Variants in ST8SIA2 observed in about 807,000 individuals in gnomAD.
ST8SIA2 encodes the protein ST8 alpha-N-acetyl-neuraminide alpha-2,8-sialyltransferase 2, also known as alpha-2,8-sialyltransferase 8B.
Under a neutral mutation model 37.6 loss-of-function variants are expected in ST8SIA2, and 22 were observed. The observed-to-expected ratio is 0.58, with a 90% CI of 0.42 to 0.83. The LOEUF (loss-of-function observed/expected upper bound fraction) is 0.83. Among genes scored for constraint, ST8SIA2 ranks in the 40% least tolerant of loss-of-function variants. The pLI is 0.00. For missense variants in ST8SIA2, 382 were observed against 484.7 expected (o/e 0.79, Z 1.99); for synonymous variants, 205 against 201.2 (o/e 1.02, Z -0.16).
chr15:92,407,005 A>G (rs1302118998), intron 1 of ST8SIA2, among the ~76,000 whole-genome samples: 12 of 147,772 alleles, frequency 8.1e-5, no homozygotes, highest in Admixed American at 7.3e-4. Context: ...AAAAAAAAAA[A>G]AAAGAAAAGA....
rs146652687 is a variant in ST8SIA2 at position 92,402,767 on chromosome 15, C to G, written c.98+8605C>G. On this transcript the variant is annotated intron_variant, in intron 1 of 5. Coordinates refer to ENST00000268164, the MANE Select transcript of ST8SIA2 (RefSeq NM_006011.4). ...CTCTGCCTCTGCCTCCCCACATTTC[C>G]TCTCCTCTCACACCAGCTTCCCCGC... is the stretch of plus-strand genomic sequence containing the variant. Among the ~76,000 whole-genome samples the G allele has an allele frequency of 2.6e-5, 4 of 152,276 alleles. No homozygotes were observed. The East Asian group carries it at 7.7e-4, about 29-fold the overall frequency.
intron 5 of ST8SIA2, among the ~76,000 whole-genome samples, chr15:92,447,855 T>A (rs1423036345): frequency 6.6e-6 from 1 of 152,192 alleles, no homozygotes; most frequent in Non-Finnish European, 1.5e-5. Flanking sequence ...TTTCACTTCA[T>A]CCCTGTCAGA....
At chr15:92,437,028 A>G (rs1174197260) in intron 3 of ST8SIA2, among the ~76,000 whole-genome samples, 1 of 152,224 alleles carries the variant, frequency 6.6e-6, no homozygotes, top group East Asian at 1.9e-4. Context: ...GGAACGTACC[A>G]TAGGTTGTGA....
At chr15:92,452,421 C>T (rs1596248639) in intron 5 of ST8SIA2, among the ~76,000 whole-genome samples, 1 of 152,246 alleles carries the variant, frequency 6.6e-6, no homozygotes, top group African/African-American at 2.4e-5. Context: ...GGTCAGACCA[C>T]TGAGCAGCTG....
chr15:92,414,488 G>A (rs954382123), intron 1 of ST8SIA2, among the ~76,000 whole-genome samples: 27 of 152,328 alleles, frequency 1.8e-4, no homozygotes, highest in Admixed American at 6.5e-4. Context: ...GTCAGACAGA[G>A]GTGTATTCAA....
chr15:92,416,049 G>C (rs913959455), intron 1 of ST8SIA2, among the ~76,000 whole-genome samples: 2 of 152,114 alleles, frequency 1.3e-5, no homozygotes, highest in African/African-American at 4.8e-5. Context: ...GGAGAGAGAG[G>C]CATGTGGCAC....
At chr15:92,425,564 C>T (rs532552801) in intron 1 of ST8SIA2, among the ~76,000 whole-genome samples, 13 of 152,252 alleles carry the variant, frequency 8.5e-5, no homozygotes, top group South Asian at 2.1e-4. Context: ...ATGACTGCCA[C>T]GAAGAAGATA....
At chr15:92,414,709 G>T (rs780237764) in intron 1 of ST8SIA2, among the ~76,000 whole-genome samples, 1 of 152,226 alleles carries the variant, frequency 6.6e-6, no homozygotes, top group Admixed American at 6.5e-5. Context: ...ATCCGAGCAA[G>T]GTTCTTCTCA....
intron 1 of ST8SIA2, chr15:92,422,779 C>T (rs1402281514): frequency 6.6e-6 from 1 of 152,658 alleles, no homozygotes; most frequent in Non-Finnish European, 1.5e-5. Flanking sequence ...CAAAAAGCTC[C>T]TAGCCAAGTA....
Position 92,415,440 on chromosome 15 carries a change from C to T in ST8SIA2, c.99-14609C>T, listed in dbSNP as rs552106749. ...AGCTGAATTTTGCTAATTGATAGGA[C>T]GAGTCTAGGGATCTTAAACCCAAAT... On this transcript the variant is annotated intron_variant, in intron 1 of 5. Coordinates refer to ENST00000268164, the MANE Select transcript of ST8SIA2 (RefSeq NM_006011.4). Among the ~76,000 whole-genome samples, 18 of 151,848 alleles carry T rather than the reference C, an allele frequency of 1.2e-4. No homozygotes were observed. The South Asian group carries it at 3.5e-3, about 30-fold the overall frequency.
At chr15:92,435,709 T>C (rs2141832282) in intron 3 of ST8SIA2, among the ~76,000 whole-genome samples, 1 of 152,180 alleles carries the variant, frequency 6.6e-6, no homozygotes, top group East Asian at 1.9e-4. Context: ...AGTAGCTGAC[T>C]CCCTGCCACC....
At position 92,441,668 on chromosome 15, in the gene ST8SIA2, A is replaced by AT. The variant is rs1478200638; in HGVS notation, c.549-2967dup. On this transcript the variant is annotated intron_variant, in intron 4 of 5. Transcript: ENST00000268164. ...CTGATGAACAAATGCCCTTCCATGGATAAACCACATCATCATCACTGTTAT... is the reference window on the plus strand; with the variant it reads ...CTGATGAACAAATGCCCTTCCATGGATTAAACCACATCATCATCACTGTTAT... Among the ~76,000 whole-genome samples the AT allele has an allele frequency of 1.1e-3, 162 of 152,266 alleles. 1 individual carries two copies. Among genetic ancestry groups the AT allele is most frequent in the African/African-American group, 3.7e-3 (154 of 41,544 alleles).
In ST8SIA2 at chr15:92,441,619, A is replaced by G. The variant is rs1596244443; in HGVS notation, c.548+3009A>G. ...CACACACACACACACACACACACAC[A>G]CGCACTTCTTCCATAGGGAGAATCT... is the stretch of plus-strand genomic sequence containing the variant. On this transcript the variant is annotated intron_variant, in intron 4 of 5. Coordinates refer to ENST00000268164, the MANE Select transcript of ST8SIA2 (RefSeq NM_006011.4). Among the ~76,000 whole-genome samples the G allele has an allele frequency of 3.5e-5, 5 of 144,058 alleles. No individual in the cohort carries two copies. In the South Asian group the frequency reaches 1.1e-3, roughly 32 times the overall value. The allele number at this position is 144,058 out of a possible 152,430, so 94.5% of individuals were successfully genotyped here.
chr15:92,417,392 C>T (rs2049595294), intron 1 of ST8SIA2, among the ~76,000 whole-genome samples: 2 of 152,194 alleles, frequency 1.3e-5, no homozygotes, highest in South Asian at 4.1e-4. Context: ...AAATTGAGTG[C>T]CCTCCAGAAA....
intron 1 of ST8SIA2, among the ~76,000 whole-genome samples, chr15:92,394,663 A>G (rs1197678271): frequency 3.3e-5 from 5 of 152,002 alleles, no homozygotes; most frequent in Non-Finnish European, 5.9e-5. Context: ...TGCATGGGCT[A>G]CTGGGAAGCG....
At chr15:92,424,614 TTC>T (rs1237688815) in intron 1 of ST8SIA2, among the ~76,000 whole-genome samples, 38 of 149,942 alleles carry the variant, frequency 2.5e-4, no homozygotes, top group Admixed American at 2.0e-4. Flanking sequence ...AAGTTTGACA[TTC>T]TTTTTTTTTT....
chr15:92,438,144 C>T (rs1418089900), intron 3 of ST8SIA2, among the ~76,000 whole-genome samples: 1 of 152,154 alleles, frequency 6.6e-6, no homozygotes, highest in African/African-American at 2.4e-5. Context: ...TGGCAACCCC[C>T]ATATTGGCCA....
At chr15:92,461,421 G>A (rs182918169) in intron 5 of ST8SIA2, among the ~76,000 whole-genome samples, 18 of 152,308 alleles carry the variant, frequency 1.2e-4, no homozygotes, top group Non-Finnish European at 1.8e-4. Flanking sequence ...CAGCCGTCAT[G>A]AGCCATAGCA....
intron 5 of ST8SIA2, among the ~76,000 whole-genome samples, chr15:92,448,690 A>G (rs1385775503): frequency 6.6e-6 from 1 of 152,186 alleles, no homozygotes; most frequent in Non-Finnish European, 1.5e-5. Context: ...GAGAGCTACA[A>G]TGTGGGAAAG....
Sources: gnomAD v4.1 joint callset for allele counts (sites outside exome capture counted in the v4.1 genomes callset) on GRCh38, gnomAD v4.1.1 for gene constraint, MANE v1.5 for transcripts, NCBI Gene and HGNC (gene_info 2026-07-23, HGNC 2026-07-21) for gene names.